Variants in RSRC1 observed in about 807,000 individuals in gnomAD.
RSRC1 encodes the protein serine/Arginine-related protein 53.
RSRC1 carries 39 observed loss-of-function variants against 49.1 expected under a neutral mutation model. That is an observed-to-expected ratio of 0.79 (90% CI 0.61 to 1.04). The LOEUF (loss-of-function observed/expected upper bound fraction) is 1.04, where lower values mean the gene tolerates loss of function less well. Ranked by LOEUF, RSRC1 falls within the 50% of genes least tolerant of loss-of-function variation. RSRC1 has a pLI of 0.00. For synonymous variants in RSRC1, 143 were observed against 130.8 expected, an observed-to-expected ratio of 1.09 and a Z score of -0.63; for missense variants, 388 against 402.4, an observed-to-expected ratio of 0.96 and a Z score of 0.31.
intron 7 of RSRC1, among the ~76,000 whole-genome samples, chr3:158,514,290 G>C (rs978144397): frequency 2.0e-5 from 3 of 152,168 alleles, no homozygotes; most frequent in Admixed American, 2.0e-4. Flanking sequence ...TGCTTTGAAT[G>C]TGTCCCAAAG....
At chr3:158,452,113 T>C (rs1297349545) in intron 6 of RSRC1, among the ~76,000 whole-genome samples, 1 of 152,132 alleles carries the variant, frequency 6.6e-6, no homozygotes, top group Non-Finnish European at 1.5e-5. Flanking sequence ...TTCCCTTATT[T>C]TGATTACTGT....
intron 6 of RSRC1, among the ~76,000 whole-genome samples, chr3:158,409,628 G>A (rs1560029775): frequency 1.3e-5 from 2 of 152,184 alleles, no homozygotes; most frequent in East Asian, 3.9e-4. Flanking sequence ...CATCCTAGAA[G>A]ACTGACTGGC....
At chr3:158,114,070 C>T (rs1220578309) in intron 1 of RSRC1, among the ~76,000 whole-genome samples, 1 of 152,092 alleles carries the variant, frequency 6.6e-6, no homozygotes, top group Non-Finnish European at 1.5e-5. Flanking sequence ...AATCTTTGCC[C>T]GTGCCTTTGT....
At chr3:158,143,434 G>A (rs1194992861) in intron 3 of RSRC1, among the ~76,000 whole-genome samples, 1 of 152,044 alleles carries the variant, frequency 6.6e-6, no homozygotes, top group Non-Finnish European at 1.5e-5. Context: ...TTCTTTTAAT[G>A]CCACTTCAAG....
intron 6 of RSRC1, among the ~76,000 whole-genome samples, chr3:158,428,916 C>T (rs1735614177): frequency 6.6e-6 from 1 of 151,814 alleles, no homozygotes; most frequent in Non-Finnish European, 1.5e-5. Context: ...AGCAGTGTGC[C>T]AAACATCTAG....
chr3:158,475,039 A>G (rs1488842902), intron 7 of RSRC1, among the ~76,000 whole-genome samples: 1 of 151,992 alleles, frequency 6.6e-6, no homozygotes, highest in African/African-American at 2.4e-5. Context: ...TTCAGCCTCT[A>G]GAGTAGCTGG....
In RSRC1 at chr3:158,363,371, C is replaced by G. The variant is rs75358117; in HGVS notation, c.583+8463C>G. On this transcript the variant is annotated intron_variant, in intron 6 of 9. Coordinates refer to ENST00000611884, the MANE Select transcript of RSRC1 (RefSeq NM_001271838.2). ...CTCTGTCTTCTAGGTTCAAGAGATT[C>G]TCCTGCCTTAGCCTCCCAAGTAGCT... Among the ~76,000 whole-genome samples the G allele has an allele frequency of 2.0e-4, 31 of 151,438 alleles. No individual in the cohort carries two copies. The East Asian group carries it at 5.5e-3, about 27-fold the overall frequency.
intron 7 of RSRC1, among the ~76,000 whole-genome samples, chr3:158,500,083 G>A (rs1197001249): frequency 6.6e-6 from 1 of 152,120 alleles, no homozygotes; most frequent in Non-Finnish European, 1.5e-5. Context: ...AAGTGATGCT[G>A]GATTTTGTTG....
intron 4 of RSRC1, among the ~76,000 whole-genome samples, chr3:158,290,733 G>A (rs140789469): frequency 8.5e-4 from 130 of 152,110 alleles, no homozygotes; most frequent in Admixed American, 3.1e-3. Context: ...TTTTATAAGC[G>A]TTCAGTGACA....
intron 6 of RSRC1, among the ~76,000 whole-genome samples, chr3:158,371,806 T>C (rs952608770): frequency 6.6e-6 from 1 of 151,900 alleles, no homozygotes; most frequent in Admixed American, 6.6e-5. Context: ...CTGAACCATA[T>C]TTTGCTCCCA....
At chr3:158,325,713 C>A (rs1729090486) in intron 5 of RSRC1, among the ~76,000 whole-genome samples, 1 of 152,178 alleles carries the variant, frequency 6.6e-6, no homozygotes, top group African/African-American at 2.4e-5. Flanking sequence ...GCAATGCGGG[C>A]TCTTTTTTGG....
At chr3:158,374,569 A>C (rs16828940) in intron 6 of RSRC1, among the ~76,000 whole-genome samples, 11,155 of 152,242 alleles carry the variant, frequency 0.073, 481 homozygotes, top group South Asian at 0.13. Context: ...TGGGAAATTT[A>C]TACATACAAA....
At chr3:158,511,020 A>G (rs1047091942) in intron 7 of RSRC1, among the ~76,000 whole-genome samples, 1 of 152,100 alleles carries the variant, frequency 6.6e-6, no homozygotes, top group Admixed American at 6.6e-5. Flanking sequence ...AGCATGGTAT[A>G]GCTCTGCATA....
At chr3:158,509,354 A>T (rs12634971) in intron 7 of RSRC1, among the ~76,000 whole-genome samples, 45,443 of 152,088 alleles carry the variant, frequency 0.3, 7,127 homozygotes, top group South Asian at 0.41. Context: ...ACACCTGCAC[A>T]CAACTTCCAA....
chr3:158,427,420 CTTTA>C (rs1425305571), intron 6 of RSRC1, among the ~76,000 whole-genome samples: 1 of 151,676 alleles, frequency 6.6e-6, no homozygotes, highest in Non-Finnish European at 1.5e-5. Context: ...GTAGGTGTGG[CTTTA>C]TTTGTGTTTG....
chr3:158,529,214 G>GTGTGTGTATATATATATA (rs374368016), intron 7 of RSRC1, among the ~76,000 whole-genome samples: 11 of 143,146 alleles, frequency 7.7e-5, no homozygotes, highest in African/African-American at 2.9e-4. Flanking sequence ...ATGTGTGTGT[G>GTGTGTGTATATATATATA]TATATATATA....
Position 158,129,054 on chromosome 3 carries a change from C to G in RSRC1, c.320+5063C>G, listed in dbSNP as rs542920860. Among the ~76,000 whole-genome samples the G allele has an allele frequency of 1.1e-4, 17 of 152,244 alleles. No individual in the cohort carries two copies. The East Asian group carries it at 3.1e-3, about 28-fold the overall frequency. On this transcript the variant is annotated intron_variant, in intron 3 of 9. Transcript: ENST00000611884. ...CAGGTTTCGCCTGTGAAGTTACTAT[C>G]TTTCCTTTTGTAGTTGATAGATATC...
At chr3:158,171,169 G>C (rs961038621) in intron 3 of RSRC1, among the ~76,000 whole-genome samples, 3 of 152,182 alleles carry the variant, frequency 2.0e-5, no homozygotes, top group Non-Finnish European at 4.4e-5. Flanking sequence ...AAACTGAACT[G>C]ACATTGGAAC....
intron 4 of RSRC1, among the ~76,000 whole-genome samples, chr3:158,246,262 G>T (rs1052922262): frequency 6.8e-6 from 1 of 148,006 alleles, no homozygotes. Flanking sequence ...TGCGGGGAGG[G>T]GGGAGGGATG....
Sources: allele counts gnomAD v4.1 joint callset (sites outside exome capture counted in the v4.1 genomes callset), GRCh38; gene constraint gnomAD v4.1.1; transcripts MANE v1.5; gene names NCBI Gene and HGNC (gene_info 2026-07-23, HGNC 2026-07-21).